Variants in C2CD5 observed in about 807,000 individuals in gnomAD.
The protein encoded by C2CD5 is C2 calcium dependent domain containing 5, also known as C2 domain-containing protein 5.
Under a neutral mutation model 130.3 loss-of-function variants are expected in C2CD5, and 109 were observed. That is an observed-to-expected ratio of 0.84 (90% CI 0.72 to 0.98). The LOEUF (loss-of-function observed/expected upper bound fraction) is 0.98, where lower values mean the gene tolerates loss of function less well. Ranked by LOEUF, C2CD5 falls within the 50% of genes least tolerant of loss-of-function variation. C2CD5 has a pLI of 0.00. For synonymous variants in C2CD5, 454 were observed against 429.2 expected (o/e 1.06, Z -0.71); for missense variants, 996 against 1,261.8 (o/e 0.79, Z 3.19).
rs199497701 is a variant in C2CD5, at chr12:22,518,036, C to A, written c.902G>T (p.Ser301Ile). The A allele has an allele frequency of 9.9e-6, 16 of 1,613,978 alleles. No homozygotes were observed. Among genetic ancestry groups the A allele is most frequent in the Non-Finnish European group, 1.4e-5 (16 of 1,179,944 alleles). The change falls in exon 8 of 27, where the codon AGT becomes ATT. Residue 301 changes from serine to isoleucine, a missense_variant. Coordinates refer to ENST00000446597, the MANE Select transcript of C2CD5 (RefSeq NM_001286176.2). ...TGTGTCAGAAGAAGAGGACTGTCGA[C>A]TGTAGGACTTGGAAGGTGAAAAGGA... ...TYSFSPSKSY[S>I]RQSSSSDTDL...
At chr12:22,501,884 G>A (rs925041366) in intron 10 of C2CD5, among the ~76,000 whole-genome samples, 4 of 152,012 alleles carry the variant, frequency 2.6e-5, no homozygotes, top group Admixed American at 6.6e-5. Context: ...TCTGAGCCCC[G>A]TGGCGTCTTT....
intron 13 of C2CD5, among the ~76,000 whole-genome samples, chr12:22,483,092 T>G (rs1215036547): frequency 6.6e-6 from 1 of 152,170 alleles, no homozygotes; most frequent in Non-Finnish European, 1.5e-5. Context: ...GGATACCCCA[T>G]CTTCCATGAT....
intron 22 of C2CD5, among the ~76,000 whole-genome samples, chr12:22,466,225 G>A (rs1185705950): frequency 2.0e-5 from 3 of 148,768 alleles, no homozygotes; most frequent in South Asian, 2.1e-4. Context: ...CAATATAAAA[G>A]GAAATAAAAA....
At chr12:22,456,594 G>T (rs1274538437) in intron 25 of C2CD5, among the ~76,000 whole-genome samples, 1 of 152,134 alleles carries the variant, frequency 6.6e-6, no homozygotes, top group Non-Finnish European at 1.5e-5. Context: ...ATTACATAAA[G>T]TATCTCCTTA....
chr12:22,449,767 G>T lies in C2CD5; in HGVS notation c.3149C>A (p.Thr1050Lys). 1 of 1,587,640 alleles carries T rather than the reference G, an allele frequency of 6.3e-7. No homozygotes were observed. Among genetic ancestry groups the T allele is most frequent in the East Asian group, 2.2e-5 (1 of 44,626 alleles). ...CTTTTTTCCTAATTTTCCTCAGGTTGTAACTTCGCCTTCAGTACATGATGA... is the reference window on the plus strand; with the variant it reads ...CTTTTTTCCTAATTTTCCTCAGGTTTTAACTTCGCCTTCAGTACATGATGA... Reference protein sequence around the residue: ...CQSSCTEGEVTT With the variant: ...CQSSCTEGEVKT Residue 1050 changes from threonine (T) to lysine (K), a missense_variant, in exon 27 of 27, where the codon ACA becomes AAA. Physicochemically the swap from Thr to Lys is moderately conservative, Grantham distance 78 (BLOSUM62 -1). Coordinates refer to ENST00000446597, the MANE Select transcript of C2CD5 (RefSeq NM_001286176.2).
At chr12:22,535,474 G>C (rs1279320349) in intron 2 of C2CD5, 130 bp from the exon 3 acceptor site, 8 of 609,996 alleles carry the variant, frequency 1.3e-5, no homozygotes, top group Non-Finnish European at 2.4e-5. Context: ...CTGGGACAAA[G>C]GGAAGAAGGT....
chr12:22,458,586 C>A lies in C2CD5; in HGVS notation c.2585-1G>T. 2 of 1,254,390 alleles carry A rather than the reference C, an allele frequency of 1.6e-6. No homozygotes were observed. The highest frequency in any genetic ancestry group is 3.1e-5 in the South Asian group (1 of 31,882). 77.7% of individuals were successfully genotyped at this position (1,254,390 alleles called of 1,614,324 possible). ...AAGGAACTGTAATCAACTGACGTTG[C>A]TGAAAACACAGACAGAAAACAAAAG... is the stretch of plus-strand genomic sequence containing the variant. On this transcript the variant is annotated splice_acceptor_variant, in intron 23 of 26. Coordinates refer to ENST00000446597, the MANE Select transcript of C2CD5 (RefSeq NM_001286176.2). LOFTEE classifies it high-confidence loss of function.
At chr12:22,485,605 T>C (rs929232852) in intron 12 of C2CD5, among the ~76,000 whole-genome samples, 1 of 152,162 alleles carries the variant, frequency 6.6e-6, no homozygotes, top group Non-Finnish European at 1.5e-5. Flanking sequence ...TTTAACTTTT[T>C]TGAAAAACCA....
At position 22,470,702 on chromosome 12, in the gene C2CD5, A is replaced by G. The variant is rs1591980480; in HGVS notation, c.2446+122T>C. On this transcript the variant is annotated intron_variant, in intron 21 of 26. Transcript: ENST00000446597. ...AGTTATCTTCATAAAGATGAACAGA[A>G]AAAGCAGCAAATATTCTTCAAGAAA... 6 of 634,294 alleles carry G rather than the reference A, an allele frequency of 9.5e-6. No individual in the cohort carries two copies. In the East Asian group the frequency reaches 1.7e-4, roughly 17 times the overall value. 39.3% of individuals were successfully genotyped at this position (634,294 alleles called of 1,614,324 possible). A position where few individuals can be genotyped will look rare whatever the true frequency, so the allele number is the denominator to read the frequency against.
At chr12:22,484,964 A>ATCAG in intron 12 of C2CD5, 76 bp from the exon 13 acceptor site, 3 of 641,434 alleles carry the variant, frequency 4.7e-6, no homozygotes, top group Admixed American at 3.4e-5. Flanking sequence ...TGTAACTGAT[A>ATCAG]TTACATACAC....
At chr12:22,484,348 T>C (rs1438641322) in intron 13 of C2CD5, 2 of 172,140 alleles carry the variant, frequency 1.2e-5, no homozygotes, top group Non-Finnish European at 2.4e-5. Context: ...GCACTGTTCT[T>C]TAAAAGAAAA....
Position 22,449,424 on chromosome 12 carries a change from T to C in C2CD5, c.*336A>G, listed in dbSNP as rs1311420321. ...TTTCTAAATTATACTAGAGTAGCTA[T>C]CCTAATTTCCTGACAATCTTCCCAT... On this transcript the variant is annotated 3_prime_UTR_variant, in exon 27 of 27. Coordinates refer to ENST00000446597, the MANE Select transcript of C2CD5 (RefSeq NM_001286176.2). 1 of 176,204 alleles carries C rather than the reference T, an allele frequency of 5.7e-6. No individual in the cohort carries two copies. The highest frequency in any genetic ancestry group is 1.2e-5 in the Non-Finnish European group (1 of 82,626). 10.9% of individuals were successfully genotyped at this position (176,204 alleles called of 1,614,324 possible). A position where few individuals can be genotyped will look rare whatever the true frequency, so the allele number is the denominator to read the frequency against.
At chr12:22,542,488 C>A (rs190520774) in intron 2 of C2CD5, among the ~76,000 whole-genome samples, 1 of 152,252 alleles carries the variant, frequency 6.6e-6, no homozygotes, top group African/African-American at 2.4e-5. Context: ...CCTCCAGACA[C>A]GTACTAAACT....
At chr12:22,470,016 G>C (rs1942767462) in intron 21 of C2CD5, among the ~76,000 whole-genome samples, 1 of 152,002 alleles carries the variant, frequency 6.6e-6, no homozygotes, top group Non-Finnish European at 1.5e-5. Flanking sequence ...GAAGCTTTAA[G>C]AGATTAATAT....
Position 22,478,389 on chromosome 12 carries a change from T to G in C2CD5, c.1826A>C (p.Gln609Pro), listed in dbSNP as rs139792952. ...CTTCTTCTGCATATGAGAGATGTGT[T>G]GTTCATATGAGCCATCATTAGGAGT... The part of the protein sequence containing the change: ...GKTPNDGSYE[Q>P]HISHMQKKIN... The change falls in exon 15 of 27, where the codon CAA becomes CCA. Residue 609 changes from glutamine (Q) to proline (P), a missense_variant. Physicochemically the swap from Gln to Pro is moderately conservative, Grantham distance 76. Transcript: ENST00000446597. 3.7e-6 allele frequency: 6 copies of G among 1,611,416 alleles called. No individual in the cohort carries two copies. Among genetic ancestry groups the G allele is most frequent in the Non-Finnish European group, 5.1e-6 (6 of 1,177,686 alleles).
chr12:22,495,733 A>G (rs1429092796), intron 10 of C2CD5, among the ~76,000 whole-genome samples: 1 of 152,156 alleles, frequency 6.6e-6, no homozygotes, highest in African/African-American at 2.4e-5. Flanking sequence ...GTTACATAAC[A>G]TGGGAGCTAA....
intron 16 of C2CD5, 72 bp downstream of exon 16, chr12:22,474,679 T>G: frequency 1.8e-6 from 2 of 1,096,244 alleles, no homozygotes; most frequent in Non-Finnish European, 2.6e-6. Context: ...AGTATCATAT[T>G]AATTTAGCAC....
chr12:22,519,294 T>C (rs1950052202), intron 7 of C2CD5: 2 of 1,432,672 alleles, frequency 1.4e-6, no homozygotes, highest in Non-Finnish European at 1.9e-6. Flanking sequence ...TACAACAGAT[T>C]GCAGAGTTAT....
At chr12:22,457,559 G>A (rs1459974403) in intron 24 of C2CD5, among the ~76,000 whole-genome samples, 1 of 151,990 alleles carries the variant, frequency 6.6e-6, no homozygotes, top group East Asian at 1.9e-4. Context: ...TTTTTCAGAC[G>A]ACTTCATCAT....
Sources: allele counts gnomAD v4.1 joint callset (sites outside exome capture counted in the v4.1 genomes callset), GRCh38; gene constraint gnomAD v4.1.1; transcripts MANE v1.5; gene names NCBI Gene and HGNC (gene_info 2026-07-23, HGNC 2026-07-21).